Variants in UNC79 observed in about 807,000 individuals in gnomAD.
The protein encoded by UNC79 is protein unc-79 homolog.
A neutral mutation model predicts 283.1 loss-of-function variants in UNC79; 37 were observed. The observed-to-expected ratio is 0.13, with a 90% CI of 0.10 to 0.17. The LOEUF (loss-of-function observed/expected upper bound fraction) is 0.17. UNC79 is among the 10% of genes least tolerant of loss of function. UNC79 has a pLI of 1.00. For missense variants in UNC79, 2,272 were observed against 3,211.1 expected, an observed-to-expected ratio of 0.71 and a Z score of 7.07; for synonymous variants, 1,107 against 1,200.2, an observed-to-expected ratio of 0.92 and a Z score of 1.61.
intron 25 of UNC79, 58 bp from the exon 26 acceptor site, chr14:93,603,181 T>A: frequency 1.3e-6 from 2 of 1,569,236 alleles, no homozygotes; most frequent in South Asian, 1.2e-5. Context: ...TTAGACTAGG[T>A]GGATTACAAA....
chr14:93,594,611 G>A (rs2064931811), intron 23 of UNC79, among the ~76,000 whole-genome samples: 3 of 152,198 alleles, frequency 2.0e-5, no homozygotes, highest in Admixed American at 2.0e-4. Context: ...AATCTCTGCT[G>A]TATACCCTTG....
chr14:93,357,270 T>G (rs2054104228), intron 1 of UNC79, among the ~76,000 whole-genome samples: 1 of 152,156 alleles, frequency 6.6e-6, no homozygotes, highest in African/African-American at 2.4e-5. Context: ...CTTTATCCAG[T>G]CCACCACTAA....
chr14:93,486,430 G>C (rs1162526222), intron 4 of UNC79, among the ~76,000 whole-genome samples: 4 of 152,216 alleles, frequency 2.6e-5, no homozygotes, highest in African/African-American at 9.6e-5. Context: ...GCCGAAGTGG[G>C]TGGATCACGA....
intron 7 of UNC79, among the ~76,000 whole-genome samples, chr14:93,502,928 G>T (rs928299241): frequency 5.9e-5 from 9 of 152,162 alleles, no homozygotes; most frequent in African/African-American, 2.2e-4. Flanking sequence ...GTTCTTTTAT[G>T]TCACATTGAG....
intron 41 of UNC79, 63 bp from the exon 45 acceptor site, chr14:93,682,554 G>A (rs895845817): frequency 3.6e-6 from 5 of 1,395,194 alleles, no homozygotes; most frequent in Non-Finnish European, 5.0e-6. Context: ...TTAATAAAAT[G>A]ATAAATTACT....
At chr14:93,358,744 T>A (rs1180153304) in intron 1 of UNC79, among the ~76,000 whole-genome samples, 1 of 152,194 alleles carries the variant, frequency 6.6e-6, no homozygotes, top group Non-Finnish European at 1.5e-5. Context: ...CCATCAGCCT[T>A]TCCACCTTTG....
At chr14:93,643,889 C>T (rs1402037684) in intron 34 of UNC79, among the ~76,000 whole-genome samples, 192 bp downstream of exon 37, 1 of 152,224 alleles carries the variant, frequency 6.6e-6, no homozygotes, top group Non-Finnish European at 1.5e-5. Flanking sequence ...TGCGTAGGGT[C>T]ATGAGTCACA....
chr14:93,355,196 G>GT (rs796415874), intron 1 of UNC79, among the ~76,000 whole-genome samples: 7 of 150,972 alleles, frequency 4.6e-5, no homozygotes, highest in South Asian at 2.1e-4. Flanking sequence ...TGCCCGGCTA[G>GT]TTTTTTTTTC....
At chr14:93,611,647 G>T (rs551627387) in intron 26 of UNC79, among the ~76,000 whole-genome samples, 1 of 152,170 alleles carries the variant, frequency 6.6e-6, no homozygotes, top group South Asian at 2.1e-4. Context: ...AATGACTGCC[G>T]AACTCTTTGT....
chr14:93,653,341 G>T, intron 35 of UNC79, among the ~76,000 whole-genome samples: 1 of 119,594 alleles, frequency 8.4e-6, no homozygotes. Context: ...ATATATATAT[G>T]AATTTTTTTT....
At position 93,691,731 on chromosome 14, in the gene UNC79, C is replaced by G; in HGVS notation, c.7273-18C>G. 2 of 1,612,820 alleles carry G rather than the reference C, an allele frequency of 1.2e-6. No individual in the cohort carries two copies. The highest frequency in any genetic ancestry group is 1.7e-6 in the Non-Finnish European group (2 of 1,179,844). ...CTGCTGGGATGCAATGCACTGATGC[C>G]GTCTTCTTCCTTTTCAGACCTCCGT... On this transcript the variant is annotated intron_variant, in intron 45 of 48. Coordinates refer to ENST00000555664, the Ensembl canonical transcript of UNC79.
chr14:93,385,479 A>T (rs1183078593), intron 1 of UNC79, among the ~76,000 whole-genome samples: 1 of 152,090 alleles, frequency 6.6e-6, no homozygotes, highest in South Asian at 2.1e-4. Context: ...CACTATTGAC[A>T]TATAAAAATG....
rs910752510 is a variant in UNC79 at position 93,691,495 on chromosome 14, G to T, written c.7273-254G>T. The T allele has an allele frequency of 8.7e-6, 5 of 571,740 alleles. No individual in the cohort carries two copies. In the South Asian group the frequency reaches 1.1e-4, roughly 13 times the overall value. The allele number at this position is 571,740 out of a possible 1,614,324, so 35.4% of individuals were successfully genotyped here. On this transcript the variant is annotated intron_variant, in intron 45 of 48. Transcript: ENST00000555664. The stretch of plus-strand genomic sequence containing the variant: ...TCATTAAAGGGCAAGGGGGTGGGTA[G>T]ATTTCTTCAGCAAATTAAGGTGCCT...
At chr14:93,487,053 G>T (rs536895753) in intron 4 of UNC79, among the ~76,000 whole-genome samples, 32 of 152,196 alleles carry the variant, frequency 2.1e-4, no homozygotes, top group African/African-American at 6.7e-4. Context: ...TGGTTCTCAT[G>T]GTAATGAAGA....
At chr14:93,592,559 A>C (rs993745121) in intron 22 of UNC79, among the ~76,000 whole-genome samples, 1 of 152,198 alleles carries the variant, frequency 6.6e-6, no homozygotes, top group African/African-American at 2.4e-5. Flanking sequence ...AAATCTCCTA[A>C]AAAATTCAAT....
chr14:93,369,191 A>G (rs1258357787), intron 1 of UNC79, among the ~76,000 whole-genome samples: 1 of 152,226 alleles, frequency 6.6e-6, no homozygotes, highest in Non-Finnish European at 1.5e-5. Context: ...TAAAGGAAAT[A>G]CATTAGGTAG....
chr14:93,502,898 A>G (rs752156404), intron 7 of UNC79, among the ~76,000 whole-genome samples: 2 of 152,212 alleles, frequency 1.3e-5, no homozygotes, highest in Non-Finnish European at 2.9e-5. Flanking sequence ...TATACAAGTT[A>G]AGTGCAAGAA....
upstream of UNC79, among the ~76,000 whole-genome samples, chr14:93,428,631 T>G (rs2055781822): frequency 6.6e-6 from 1 of 152,174 alleles, no homozygotes; most frequent in Admixed American, 6.5e-5. Context: ...CTATCAGGCT[T>G]TGGAGGCTCC....
chr14:93,504,422 A>G (rs2140747882), intron 7 of UNC79, among the ~76,000 whole-genome samples: 1 of 152,134 alleles, frequency 6.6e-6, no homozygotes, highest in South Asian at 2.1e-4. Flanking sequence ...AATCTTGATC[A>G]ATTTGGGAAA....
Sources: allele counts gnomAD v4.1 joint callset (sites outside exome capture counted in the v4.1 genomes callset), GRCh38; gene constraint gnomAD v4.1.1; transcripts MANE v1.5; gene names NCBI Gene and HGNC (gene_info 2026-07-23, HGNC 2026-07-21).